Variants in MARCHF10 observed in about 807,000 individuals in gnomAD.
MARCHF10 encodes the protein membrane associated ring-CH-type finger 10.
MARCHF10 carries 64 observed loss-of-function variants against 76.2 expected under a neutral mutation model. That is an observed-to-expected ratio of 0.84 (90% confidence interval 0.69 to 1.03). The LOEUF (loss-of-function observed/expected upper bound fraction) is 1.03. Among genes scored for constraint, MARCHF10 ranks in the 50% least tolerant of loss-of-function variants. The pLI, the probability that MARCHF10 is intolerant of heterozygous loss-of-function variation, is 0.00. For synonymous variants in MARCHF10, 340 were observed against 357.5 expected (o/e 0.95, Z 0.55); for missense variants, 875 against 958.0 (o/e 0.91, Z 1.14).
At chr17:62,729,757 A>G (rs1246294537) in intron 6 of MARCHF10, among the ~76,000 whole-genome samples, 2 of 151,980 alleles carry the variant, frequency 1.3e-5, no homozygotes, top group Non-Finnish European at 2.9e-5. Context: ...TATTTTTTGT[A>G]GAGACAGGGT....
At chr17:62,773,520 A>G (rs1391952383) in intron 3 of MARCHF10, among the ~76,000 whole-genome samples, 3 of 152,098 alleles carry the variant, frequency 2.0e-5, no homozygotes, top group African/African-American at 7.2e-5. Flanking sequence ...GGGATGTGGG[A>G]TAAGGAAGGG....
intron 8 of MARCHF10, among the ~76,000 whole-genome samples, chr17:62,715,694 C>G (rs2090157675): frequency 6.6e-6 from 1 of 152,208 alleles, no homozygotes; most frequent in African/African-American, 2.4e-5. Context: ...ACCGCCAGGT[C>G]CCTGGGGTCC....
At chr17:62,747,079 C>A in intron 4 of MARCHF10, 3 of 792,656 alleles carry the variant, frequency 3.8e-6, no homozygotes, top group Non-Finnish European at 6.1e-6. Flanking sequence ...CTCCAACTAG[C>A]CTGCACGCTC....
At chr17:62,749,593 G>T (rs1026810620) in intron 4 of MARCHF10, among the ~76,000 whole-genome samples, 2 of 152,180 alleles carry the variant, frequency 1.3e-5, no homozygotes, top group Admixed American at 6.5e-5. Flanking sequence ...TTGAGTGTGC[G>T]AGAAATGTGT....
chr17:62,771,009 C>G (rs1044107545), intron 3 of MARCHF10, among the ~76,000 whole-genome samples: 2 of 151,922 alleles, frequency 1.3e-5, no homozygotes, highest in Non-Finnish European at 2.9e-5. Context: ...GCGCCCGCCA[C>G]CATGCCTGGC....
At chr17:62,742,247 T>C (rs965833464) in intron 5 of MARCHF10, among the ~76,000 whole-genome samples, 6 of 150,126 alleles carry the variant, frequency 4.0e-5, no homozygotes, top group Admixed American at 3.3e-4. Flanking sequence ...CTTGAACTCC[T>C]GACCTCAAAT....
At chr17:62,772,319 A>C (rs772315161) in intron 3 of MARCHF10, among the ~76,000 whole-genome samples, 1 of 152,158 alleles carries the variant, frequency 6.6e-6, no homozygotes, top group Non-Finnish European at 1.5e-5. Context: ...CCATGTAAGA[A>C]GTGCCTTTCG....
intron 6 of MARCHF10, among the ~76,000 whole-genome samples, chr17:62,729,078 C>T (rs1266807824): frequency 6.6e-6 from 1 of 151,828 alleles, no homozygotes. Context: ...TAGCTGGGAC[C>T]ACAGGCACAC....
chr17:62,741,732 T>C (rs1408890081), intron 5 of MARCHF10, among the ~76,000 whole-genome samples: 1 of 152,226 alleles, frequency 6.6e-6, no homozygotes, highest in Admixed American at 6.5e-5. Flanking sequence ...AGTCTCACTC[T>C]GTCACCCAGG....
chr17:62,798,476 A>G (rs116621296), intron 2 of MARCHF10, among the ~76,000 whole-genome samples: 3,054 of 151,698 alleles, frequency 0.02, 112 homozygotes, highest in African/African-American at 0.071. Context: ...CCAAAGAGTC[A>G]TGTTTGAGAA....
At chr17:62,713,911 C>T (rs2090060064) in intron 8 of MARCHF10, among the ~76,000 whole-genome samples, 1 of 152,252 alleles carries the variant, frequency 6.6e-6, no homozygotes, top group Non-Finnish European at 1.5e-5. Flanking sequence ...CACCTGCCAG[C>T]TGTTTTCTCC....
chr17:62,775,869 TG>T (rs1361435867), intron 3 of MARCHF10, among the ~76,000 whole-genome samples: 1 of 152,144 alleles, frequency 6.6e-6, no homozygotes, highest in Non-Finnish European at 1.5e-5. Flanking sequence ...CAGGCTGAAA[TG>T]CAGTGGTGTG....
chr17:62,729,579 A>AAT lies in MARCHF10; in HGVS notation c.1938-4477_1938-4476dup, dbSNP rs1443383253. On this transcript the variant is annotated intron_variant, in intron 6 of 10. Coordinates refer to ENST00000311269, the MANE Select transcript of MARCHF10 (RefSeq NM_152598.4). ...ACAAATATAAATGTATAAATATATAAATATATATATATTTTTAGAGACAGG... is the reference window on the plus strand; with the variant it reads ...ACAAATATAAATGTATAAATATATAAATATATATATATATTTTTAGAGACAGG... Among the ~76,000 whole-genome samples, 291 of 148,280 alleles carry AAT rather than the reference A, an allele frequency of 2.0e-3. 1 individual carries two copies. Among genetic ancestry groups the AAT allele is most frequent in the African/African-American group, 6.8e-3 (277 of 40,776 alleles).
Position 62,737,320 on chromosome 17 carries a change from T to G in MARCHF10, c.548A>C (p.Gln183Pro), listed in dbSNP as rs2091316724. Reference sequence around the variant, plus strand: ...AGTGTTACACATCAGGCCTTCTTGTTGAACTACTTGATCTGCATTGAGAAA... The same window carrying G: ...AGTGTTACACATCAGGCCTTCTTGTGGAACTACTTGATCTGCATTGAGAAA... ...PVPRGADQVV[Q>P]QEGLMCNTKL... The change falls in exon 6 of 11, where the codon CAA becomes CCA. Residue 183 changes from glutamine to proline, a missense_variant. Transcript: ENST00000311269. 1.9e-6 allele frequency: 3 copies of G among 1,608,206 alleles called. No individual in the cohort carries two copies. The African/African-American group carries it at 4.0e-5, about 22-fold the overall frequency.
chr17:62,718,840 C>T (rs996316237), intron 8 of MARCHF10, among the ~76,000 whole-genome samples: 2 of 152,210 alleles, frequency 1.3e-5, no homozygotes, highest in African/African-American at 2.4e-5. Context: ...CTCCCCTCCC[C>T]TGCCCTCCCT....
At chr17:62,727,358 A>G (rs1049410136) in intron 6 of MARCHF10, among the ~76,000 whole-genome samples, 3 of 152,160 alleles carry the variant, frequency 2.0e-5, no homozygotes, top group African/African-American at 7.2e-5. Flanking sequence ...TCATTACCCC[A>G]AAGTAACTGC....
chr17:62,714,241 C>T (rs1009382703), intron 8 of MARCHF10: 1 of 248,234 alleles, frequency 4.0e-6, no homozygotes, highest in East Asian at 1.8e-4. Flanking sequence ...TGCATCTTAC[C>T]TGGAAAGCGC....
intron 4 of MARCHF10, chr17:62,747,078 G>C: frequency 1.2e-6 from 1 of 813,266 alleles, no homozygotes; most frequent in East Asian, 2.7e-5. Flanking sequence ...TCTCCAACTA[G>C]CCTGCACGCT....
At chr17:62,760,046 T>C (rs761820326) in intron 3 of MARCHF10, 40 bp from the exon 4 acceptor site, 2 of 1,567,826 alleles carry the variant, frequency 1.3e-6, no homozygotes, top group South Asian at 2.3e-5. Context: ...AGTGGCCAAG[T>C]AGGTCAACTT....
Sources: allele counts gnomAD v4.1 joint callset (sites outside exome capture counted in the v4.1 genomes callset), GRCh38; gene constraint gnomAD v4.1.1; transcripts MANE v1.5; gene names NCBI Gene and HGNC (gene_info 2026-07-23, HGNC 2026-07-21).